FRMPD4: variants seen among roughly 807,000 people sequenced by gnomAD.
FRMPD4 encodes FERM and PDZ domain containing 4.
In FRMPD4, 22 loss-of-function variants were observed where a neutral mutation model predicts 94.1. That is an observed-to-expected ratio of 0.23 (90% CI 0.17 to 0.33). FRMPD4 has a LOEUF of 0.33. Ranked by LOEUF, FRMPD4 falls within the 10% of genes least tolerant of loss-of-function variation. The pLI, the probability that FRMPD4 is intolerant of heterozygous loss-of-function variation, is 1.00. For missense variants in FRMPD4, 1,111 were observed against 1,339.9 expected (o/e 0.83, Z 2.67); for synonymous variants, 631 against 548.6 (o/e 1.15, Z -2.10).
upstream of FRMPD4, among the ~76,000 whole-genome samples, chrX:12,136,449 TGA>T (rs2055597544): frequency 9.0e-6 from 1 of 110,896 alleles, no homozygotes; most frequent in South Asian, 3.8e-4. Context: ...GTCCAGGGTG[TGA>T]GAACCTTTTG....
chrX:12,191,785 G>A (rs1410795053), intron 1 of FRMPD4, among the ~76,000 whole-genome samples: 1 of 111,571 alleles, frequency 9.0e-6, no homozygotes, highest in East Asian at 2.8e-4. Flanking sequence ...TTAGGGCAGT[G>A]AAACTACTCT....
intron 2 of FRMPD4, among the ~76,000 whole-genome samples, chrX:12,540,111 A>G (rs2058389918): frequency 8.9e-6 from 1 of 112,173 alleles, no homozygotes; most frequent in African/African-American, 3.2e-5. Context: ...GAAAGGAAAA[A>G]CCAGTACAAG....
chrX:11,859,201 G>T (rs1413155048), intron 1 of FRMPD4, among the ~76,000 whole-genome samples: 1 of 111,640 alleles, frequency 9.0e-6, no homozygotes, highest in Non-Finnish European at 1.9e-5. Flanking sequence ...CACATGGGAA[G>T]AACTACACTT....
At chrX:12,506,424 G>A (rs2148240196) in intron 2 of FRMPD4, among the ~76,000 whole-genome samples, 1 of 111,066 alleles carries the variant, frequency 9.0e-6, no homozygotes, top group South Asian at 3.9e-4. Context: ...GAGTAGCTGG[G>A]ATTACAGGTG....
At chrX:12,360,580 G>A (rs1392590634) in intron 1 of FRMPD4, among the ~76,000 whole-genome samples, 3 of 111,679 alleles carry the variant, frequency 2.7e-5, no homozygotes, top group African/African-American at 9.8e-5. Flanking sequence ...ACAGTCTTCT[G>A]AGATGTTAAG....
intron 1 of FRMPD4, among the ~76,000 whole-genome samples, chrX:12,166,333 G>A (rs186755072): frequency 9.5e-4 from 106 of 111,979 alleles, no homozygotes; most frequent in Non-Finnish European, 1.6e-3. Context: ...TTTTGGTTCT[G>A]TTTATATGCT....
intron 3 of FRMPD4, among the ~76,000 whole-genome samples, chrX:12,064,053 A>G (rs2054903483): frequency 8.9e-6 from 1 of 111,893 alleles, no homozygotes; most frequent in Non-Finnish European, 1.9e-5. Context: ...ATATGTCTAT[A>G]TGTGCCTATC....
chrX:12,663,571 G>T (rs1339837718), intron 4 of FRMPD4, among the ~76,000 whole-genome samples: 1 of 112,104 alleles, frequency 8.9e-6, no homozygotes, highest in African/African-American at 3.2e-5. Flanking sequence ...TTTGGTACCA[G>T]TACCATGCTG....
rs765466729 is a variant in FRMPD4, at chrX:12,415,942, T to C, written c.42-82738T>C. 1.5e-4 allele frequency among the ~76,000 whole-genome samples: 17 copies of C among 112,787 alleles called. No individual in the cohort carries two copies. In the South Asian group the frequency reaches 6.2e-3, roughly 41 times the overall value. On this transcript the variant is annotated intron_variant, in intron 1 of 16. Transcript: ENST00000675598. ...GAACTTTCAGAAAATTTGCTAATTA[T>C]CAAGAATTCTTCATGACAATATGAG... is the stretch of plus-strand genomic sequence containing the variant.
intron 1 of FRMPD4, among the ~76,000 whole-genome samples, chrX:12,154,557 G>A (rs1023534132): frequency 5.4e-5 from 6 of 112,043 alleles, no homozygotes; most frequent in Non-Finnish European, 7.5e-5. Context: ...ACCTGCTTCC[G>A]TGGGAGTGGA....
intron 1 of FRMPD4, among the ~76,000 whole-genome samples, chrX:12,345,545 G>A (rs958361316): frequency 3.6e-5 from 4 of 111,662 alleles, no homozygotes; most frequent in African/African-American, 6.5e-5. Flanking sequence ...GATGGTGAGC[G>A]CTTGGAGAAT....
At chrX:12,429,264 G>A (rs1294099372) in intron 1 of FRMPD4, among the ~76,000 whole-genome samples, 1 of 111,725 alleles carries the variant, frequency 9.0e-6, no homozygotes, top group Non-Finnish European at 1.9e-5. Context: ...TTACATTTCA[G>A]TTTCTTCTAC....
At chrX:12,173,101 C>T (rs766686553) in intron 1 of FRMPD4, among the ~76,000 whole-genome samples, 2 of 112,644 alleles carry the variant, frequency 1.8e-5, no homozygotes, top group Non-Finnish European at 3.7e-5. Flanking sequence ...TCGGGCCAAG[C>T]CCAAGCTCAA....
intron 3 of FRMPD4, among the ~76,000 whole-genome samples, chrX:11,932,796 C>T (rs1003915908): frequency 2.7e-5 from 3 of 111,307 alleles, no homozygotes; most frequent in African/African-American, 9.8e-5. Flanking sequence ...CTCACATTTT[C>T]GCAGGATTTG....
intron 1 of FRMPD4, among the ~76,000 whole-genome samples, chrX:12,379,302 A>G (rs764726748): frequency 7.1e-5 from 8 of 112,279 alleles, no homozygotes; most frequent in African/African-American, 2.6e-4. Flanking sequence ...ACTTGTGCCT[A>G]GTAAATCTCT....
At chrX:12,283,620 T>C (rs1470590326) in intron 1 of FRMPD4, among the ~76,000 whole-genome samples, 1 of 105,339 alleles carries the variant, frequency 9.5e-6, no homozygotes, top group East Asian at 2.9e-4. Flanking sequence ...TCTGTAACAA[T>C]GTGAACCATT....
chrX:12,574,866 A>G (rs2058794296), intron 2 of FRMPD4, among the ~76,000 whole-genome samples: 1 of 112,128 alleles, frequency 8.9e-6, no homozygotes, highest in Admixed American at 9.4e-5. Context: ...GGGATTTATA[A>G]ACATCTTCAA....
At chrX:12,301,129 G>C (rs1345951592) in intron 1 of FRMPD4, among the ~76,000 whole-genome samples, 1 of 110,542 alleles carries the variant, frequency 9.0e-6, no homozygotes, top group Non-Finnish European at 1.9e-5. Context: ...CCTTCTCAAG[G>C]TGTCTCAAGT....
At chrX:11,869,501 T>C (rs1446927425) in intron 2 of FRMPD4, among the ~76,000 whole-genome samples, 9 of 112,279 alleles carry the variant, frequency 8.0e-5, no homozygotes, top group Non-Finnish European at 1.1e-4. Context: ...ATGAATATGT[T>C]AATTAGCTTG....
Sources: allele counts gnomAD v4.1 joint callset (sites outside exome capture counted in the v4.1 genomes callset), GRCh38; gene constraint gnomAD v4.1.1; transcripts MANE v1.5; gene names NCBI Gene and HGNC (gene_info 2026-07-23, HGNC 2026-07-21).